Variants in PGF observed in about 807,000 individuals in gnomAD.
PGF encodes the protein placental growth factor.
Under a neutral mutation model 25.3 loss-of-function variants are expected in PGF, and 11 were observed. The observed-to-expected ratio is 0.43, with a 90% CI of 0.27 to 0.72. The LOEUF is 0.72. PGF is among the 30% of genes least tolerant of loss of function. The pLI is 0.18. For synonymous variants in PGF, 105 were observed against 97.9 expected (o/e 1.07, Z -0.43); for missense variants, 230 against 234.9 (o/e 0.98, Z 0.14).
intron 6 of PGF, chr14:74,945,766 T>C (rs919934665): frequency 3.7e-5 from 6 of 163,334 alleles, no homozygotes; most frequent in Non-Finnish European, 5.4e-5. Context: ...GGGCACATGT[T>C]CCCCGGGGCT....
chr14:74,946,495 C>T, intron 4 of PGF, 87 bp from the exon 5 acceptor site: 2 of 1,323,542 alleles, frequency 1.5e-6, no homozygotes, highest in Non-Finnish European at 2.1e-6. Context: ...TCCCCTCCGA[C>T]ATCCCCAGTC....
chr14:74,952,191 A>G (rs1888887789), intron 2 of PGF, among the ~76,000 whole-genome samples: 1 of 152,198 alleles, frequency 6.6e-6, no homozygotes, highest in Admixed American at 6.5e-5. Context: ...AGACCCCAGG[A>G]GAGAAATGCT....
chr14:74,946,745 T>G (rs1208532176), intron 4 of PGF: 1 of 702,106 alleles, frequency 1.4e-6, no homozygotes, highest in South Asian at 1.5e-5. Context: ...TCTTTGCTGC[T>G]TTTTTCCGTT....
rs1453544510 is a variant in PGF at position 74,949,522 on chromosome 14, G to A, written c.150C>T (p.Ser50=). The A allele has an allele frequency of 1.3e-6, 2 of 1,593,578 alleles. No individual in the cohort carries two copies. The highest frequency in any genetic ancestry group is 2.7e-5 in the African/African-American group (2 of 74,412). Residue 50 remains serine (S), a synonymous_variant, in exon 3 of 7, where the codon AGC becomes AGT. Transcript: ENST00000555567. ...CCAGCCTCTCCAGCGCCCGGCAGTA[G>A]CTGCGGCCCCACACTTCCTGGAAGG... ...VVPFQEVWGR[S]YCRALERLVD... is the part of the protein sequence containing the mutation.
chr14:74,955,169 T>A lies in PGF; in HGVS notation c.74A>T (p.Gln25Leu). 6.8e-7 allele frequency: 1 copy of A among 1,463,332 alleles called. No homozygotes were observed. Among genetic ancestry groups the A allele is most frequent in the Admixed American group, 2.3e-5 (1 of 43,244 alleles). The allele number at this position is 1,463,332 out of a possible 1,614,324, so 90.6% of individuals were successfully genotyped here. A position where few individuals can be genotyped will look rare whatever the true frequency, so the allele number is the denominator to read the frequency against. Reference protein sequence around the residue: ...AGLALPAVPPQQWALSAGNGS... With the variant: ...AGLALPAVPPLQWALSAGNGS... ...AGGCTAGGTGGGGGTAGCTCTTACC[T>A]GGGGGGGCACAGCAGGCAGCGCCAG... The change falls in exon 1 of 7, where the codon CAG becomes CTG. Residue 25 changes from glutamine to leucine, a missense_variant and splice_region_variant. By Grantham distance (113) the Gln-to-Leu change is moderately radical (BLOSUM62 -2). Coordinates refer to ENST00000555567, the MANE Select transcript of PGF (RefSeq NM_002632.6). The surrounding 1 kb of genome is among the most constrained non-coding windows in gnomAD (Gnocchi z 4.1).
intron 4 of PGF, 42 bp downstream of exon 4, chr14:74,948,465 C>G: frequency 7.9e-7 from 1 of 1,259,808 alleles, no homozygotes; most frequent in African/African-American, 1.5e-5. Flanking sequence ...GCCAAGAGGA[C>G]GGGGGCCTTT....
intron 1 of PGF, among the ~76,000 whole-genome samples, chr14:74,954,697 G>A (rs1888945005): frequency 6.6e-6 from 1 of 152,046 alleles, no homozygotes; most frequent in South Asian, 2.1e-4. Context: ...AGCCCACCCA[G>A]GAGCCCACGG....
chr14:74,953,822 A>C lies in PGF; in HGVS notation c.118+82T>G. The stretch of plus-strand genomic sequence containing the variant: ...CCCCAGCTTTTATCAACCTGCACCC[A>C]CGCTTCATGCCACACCTGGGCTTGG... On this transcript the variant is annotated intron_variant, in intron 2 of 6. Transcript: ENST00000555567. This position sits in a 1 kb window ranked among gnomAD's most constrained non-coding sequence, Gnocchi z 5.4. 7.1e-7 allele frequency: 1 copy of C among 1,406,570 alleles called. No homozygotes were observed. 87.1% of individuals were successfully genotyped at this position (1,406,570 alleles called of 1,614,324 possible). A position where few individuals can be genotyped will look rare whatever the true frequency, so the allele number is the denominator to read the frequency against.
intron 2 of PGF, among the ~76,000 whole-genome samples, chr14:74,952,144 A>G (rs1265594675): frequency 1.3e-5 from 2 of 152,112 alleles, no homozygotes; most frequent in African/African-American, 4.8e-5. Context: ...CCTGTGAGTG[A>G]GCCTCCCACC....
chr14:74,948,493 C>G lies in PGF; in HGVS notation c.392+14G>C, dbSNP rs761272672. The G allele has an allele frequency of 6.4e-7, 1 of 1,563,116 alleles. No homozygotes were observed. The highest frequency in any genetic ancestry group is 8.8e-7 in the Non-Finnish European group (1 of 1,138,518). On this transcript the variant is annotated intron_variant, in intron 4 of 6. Transcript: ENST00000555567. ...GGGCCTTTCCTTGCTACCCACCCGA[C>G]CCCGGAGACCTACCGGCATTCGCAG...
At chr14:74,949,222 G>T in intron 3 of PGF, 135 bp downstream of exon 3, 1 of 634,178 alleles carries the variant, frequency 1.6e-6, no homozygotes, top group Non-Finnish European at 2.6e-6. Flanking sequence ...GGAAGAAGAG[G>T]CCCTGGGCTG....
At position 74,948,499 on chromosome 14, in the gene PGF, A is replaced by G; in HGVS notation, c.392+8T>C. The G allele has an allele frequency of 6.4e-7, 1 of 1,574,374 alleles. No individual in the cohort carries two copies. The highest frequency in any genetic ancestry group is 1.1e-5 in the South Asian group (1 of 89,192). On this transcript the variant is annotated splice_region_variant and intron_variant, in intron 4 of 6. Transcript: ENST00000555567. ...TTCCTTGCTACCCACCCGACCCCGG[A>G]GACCTACCGGCATTCGCAGCGAACG...
Position 74,946,220 on chromosome 14 carries a change from A to G in PGF, c.478T>C (p.Cys160Arg), listed in dbSNP as rs766632008. Residue 160 changes from cysteine to arginine, a missense_variant, in exon 6 of 7, where the codon TGC becomes CGC. Cys to Arg is a radical substitution (Grantham distance 180). Coordinates refer to ENST00000555567, the MANE Select transcript of PGF (RefSeq NM_002632.6). ...GGGACCCCGCACACTCACAGGTGGC[A>G]GTCTGTGGGTCTCTGCTTCTCTCTC... ...RRREKQRPTDCHLCGDAVPRR is the reference protein window; with the variant it reads ...RRREKQRPTDRHLCGDAVPRR 11 of 1,613,734 alleles carry G rather than the reference A, an allele frequency of 6.8e-6. No homozygotes were observed. In the African/African-American group the frequency reaches 1.5e-4, roughly 22 times the overall value.
At position 74,950,320 on chromosome 14, in the gene PGF, A is replaced by T. The variant is rs1332872569; in HGVS notation, c.119-767T>A. Among the ~76,000 whole-genome samples the T allele has an allele frequency of 2.0e-5, 3 of 152,206 alleles. No homozygotes were observed. The highest frequency in any genetic ancestry group is 2.0e-4 in the Admixed American group (3 of 15,286). ...GAGCACTGCTTGGCCTCTGGCCTCA[A>T]GGGGTTGCCTTATCTCCGGCACTGC... On this transcript the variant is annotated intron_variant, in intron 2 of 6. Coordinates refer to ENST00000555567, the MANE Select transcript of PGF (RefSeq NM_002632.6). The surrounding 1 kb of genome is among the most constrained non-coding windows in gnomAD (Gnocchi z 4.1).
intron 2 of PGF, among the ~76,000 whole-genome samples, chr14:74,951,597 A>G (rs1413303637): frequency 6.6e-6 from 1 of 152,240 alleles, no homozygotes; most frequent in African/African-American, 2.4e-5. Context: ...CATCCTGCAA[A>G]CAGACACCCA....
chr14:74,944,146 A>T (rs1185373016), intron 6 of PGF, among the ~76,000 whole-genome samples: 96 of 134,260 alleles, frequency 7.2e-4, no homozygotes, highest in African/African-American at 2.6e-3. Context: ...GCTCTGTCCC[A>T]GGCTGGAGTG....
chr14:74,948,576 T>C lies in PGF; in HGVS notation c.323A>G (p.Lys108Arg). 1 of 1,600,226 alleles carries C rather than the reference T, an allele frequency of 6.2e-7. No homozygotes were observed. The highest frequency in any genetic ancestry group is 8.6e-7 in the Non-Finnish European group (1 of 1,169,586). Residue 108 changes from lysine to arginine, a missense_variant, in exon 4 of 7, where the codon AAG (lysine) becomes AGG (arginine). Physicochemically the swap from Lys to Arg is conservative, Grantham distance 26 (BLOSUM62 2). Transcript: ENST00000555567. The stretch of plus-strand genomic sequence containing the variant: ...GGAGGGCCGGTCCCCAGAACGGATC[T>C]TTAGGAGCTGAAGGAAGAAAGAGTT... ...ETANVTMQLL[K>R]IRSGDRPSYV... is the part of the protein sequence containing the mutation.
At position 74,942,571 on chromosome 14, in the gene PGF, T is replaced by G. The variant is rs1888626513; in HGVS notation, c.*135A>C. The G allele has an allele frequency of 1.2e-6, 1 of 847,832 alleles. No individual in the cohort carries two copies. The highest frequency in any genetic ancestry group is 2.1e-5 in the Admixed American group (1 of 47,456). 52.5% of individuals were successfully genotyped at this position (847,832 alleles called of 1,614,324 possible). A position where few individuals can be genotyped will look rare whatever the true frequency, so the allele number is the denominator to read the frequency against. On this transcript the variant is annotated 3_prime_UTR_variant, in exon 7 of 7. Coordinates refer to ENST00000555567, the MANE Select transcript of PGF (RefSeq NM_002632.6). ...TCCTGTCCTTCCCTGCCCCTCGTCT[T>G]GAAGGGAGCGAGGCATTCAGCAGGG...
Position 74,942,621 on chromosome 14 carries a change from G to T in PGF, c.*85C>A. ...GAAACAGTTGGCTAATAAATAGAGG[G>T]CAGGTACCAGCAGGAGTCACTGAAG... On this transcript the variant is annotated 3_prime_UTR_variant, in exon 7 of 7. Transcript: ENST00000555567. The T allele has an allele frequency of 1.6e-6, 2 of 1,271,846 alleles. No individual in the cohort carries two copies. The highest frequency in any genetic ancestry group is 2.3e-6 in the Non-Finnish European group (2 of 882,824). 78.8% of individuals were successfully genotyped at this position (1,271,846 alleles called of 1,614,324 possible).
Sources: allele counts gnomAD v4.1 joint callset (sites outside exome capture counted in the v4.1 genomes callset), GRCh38; gene constraint gnomAD v4.1.1; non-coding constraint Gnocchi (gnomAD v3.1); transcripts MANE v1.5; gene names NCBI Gene and HGNC (gene_info 2026-07-23, HGNC 2026-07-21).